STK10: variants seen among roughly 807,000 people sequenced by gnomAD.
The protein encoded by STK10 is serine/threonine kinase 10, also known as serine/threonine-protein kinase 10.
STK10 carries 78 observed loss-of-function variants against 113.8 expected under a neutral mutation model. The observed-to-expected ratio is 0.69, with a 90% CI of 0.57 to 0.83. The LOEUF is 0.83. Ranked by LOEUF, STK10 falls within the 40% of genes least tolerant of loss-of-function variation. The pLI, the probability that STK10 is intolerant of heterozygous loss-of-function variation, is 0.00. For missense variants in STK10, 1,109 were observed against 1,280.1 expected (o/e 0.87, Z 2.04); for synonymous variants, 465 against 494.7 (o/e 0.94, Z 0.80).
chr5:172,116,893 T>C (rs1769398819), intron 4 of STK10, among the ~76,000 whole-genome samples: 2 of 151,152 alleles, frequency 1.3e-5, no homozygotes. Context: ...AAAGAAGGTT[T>C]TGATATATGT....
intron 5 of STK10, chr5:172,107,158 GCA>G (rs72428642): frequency 0.017 from 4,202 of 247,100 alleles, 194 homozygotes; most frequent in African/African-American, 0.089. Context: ...GAAGACACCA[GCA>G]CAGAGAGGAG....
intron 18 of STK10, among the ~76,000 whole-genome samples, chr5:172,049,530 G>T (rs1767580687): frequency 1.3e-5 from 2 of 152,002 alleles, no homozygotes; most frequent in Admixed American, 6.6e-5. Context: ...ACAAGTCGGG[G>T]ATGAGACTCA....
chr5:172,116,541 AAC>A (rs933901236), intron 4 of STK10, among the ~76,000 whole-genome samples: 1 of 152,182 alleles, frequency 6.6e-6, no homozygotes, highest in Non-Finnish European at 1.5e-5. Context: ...AAAAAATAAA[AAC>A]ATTAAAAATA....
chr5:172,175,880 CTT>C (rs1561836049), intron 1 of STK10, among the ~76,000 whole-genome samples: 2 of 152,182 alleles, frequency 1.3e-5, no homozygotes, highest in African/African-American at 2.4e-5. Context: ...TGGGTCTCTG[CTT>C]CATCAGGTGT....
Position 172,187,585 on chromosome 5 carries a change from C to T in STK10, c.156+302G>A, listed in dbSNP as rs896282007. On this transcript the variant is annotated intron_variant, in intron 1 of 18. Coordinates refer to ENST00000176763, the MANE Select transcript of STK10 (RefSeq NM_005990.4). The surrounding 1 kb of genome is among the most constrained non-coding windows in gnomAD (Gnocchi z 4.6). ...CTCTCGGATGCTGAGGTCCTGTCAA[C>T]GCCCCTTTGTCTCCCCGTGCGGCGC... is the stretch of plus-strand genomic sequence containing the variant. Among the ~76,000 whole-genome samples the T allele has an allele frequency of 1.3e-5, 2 of 152,232 alleles. No individual in the cohort carries two copies. Among genetic ancestry groups the T allele is most frequent in the Non-Finnish European group, 2.9e-5 (2 of 68,044 alleles).
intron 2 of STK10, among the ~76,000 whole-genome samples, chr5:172,137,464 C>T (rs964939775): frequency 1.3e-5 from 2 of 151,936 alleles, no homozygotes; most frequent in Admixed American, 6.6e-5. Flanking sequence ...AAAAAAACTA[C>T]GTGATCATCT....
intron 8 of STK10, among the ~76,000 whole-genome samples, chr5:172,094,374 T>C (rs1768799908): frequency 6.6e-6 from 1 of 152,112 alleles, no homozygotes; most frequent in Non-Finnish European, 1.5e-5. Context: ...TATTTATCTA[T>C]TTTTTTGAGA....
chr5:172,156,539 A>G lies in STK10; in HGVS notation c.321+85T>C. On this transcript the variant is annotated intron_variant, in intron 2 of 18. Coordinates refer to ENST00000176763, the MANE Select transcript of STK10 (RefSeq NM_005990.4). ...CTCGTCCTCAAAGCAGATGCTGAGA[A>G]AGAGCTGAAGACTTCAGGACCAGGC... 2.0e-6 allele frequency: 3 copies of G among 1,482,770 alleles called. No homozygotes were observed. The South Asian group carries it at 4.1e-5, about 20-fold the overall frequency. The allele number at this position is 1,482,770 out of a possible 1,614,324, so 91.9% of individuals were successfully genotyped here.
intron 7 of STK10, among the ~76,000 whole-genome samples, chr5:172,103,478 C>T (rs1769038190): frequency 6.6e-6 from 1 of 152,124 alleles, no homozygotes; most frequent in Non-Finnish European, 1.5e-5. Flanking sequence ...CAGCTGGTCT[C>T]TCCGTGGAAT....
At chr5:172,146,762 G>A (rs912741805) in intron 2 of STK10, among the ~76,000 whole-genome samples, 1 of 152,226 alleles carries the variant, frequency 6.6e-6, no homozygotes, top group Non-Finnish European at 1.5e-5. Context: ...TTGCTGTTGA[G>A]GAATAACTTT....
At chr5:172,066,099 T>G (rs1029399935) in intron 12 of STK10, among the ~76,000 whole-genome samples, 1 of 152,142 alleles carries the variant, frequency 6.6e-6, no homozygotes, top group South Asian at 2.1e-4. Context: ...CTTAAGAGCA[T>G]CTGATGGGGG....
Position 172,187,322 on chromosome 5 carries a change from C to G in STK10, c.156+565G>C, listed in dbSNP as rs960826686. ...TCCTGACCTCCCCCTCTGACCAGCC[C>G]CAACCCACCTTTCCAAGCCCCACCT... On this transcript the variant is annotated intron_variant, in intron 1 of 18. Coordinates refer to ENST00000176763, the MANE Select transcript of STK10 (RefSeq NM_005990.4). This position sits in a 1 kb window ranked among gnomAD's most constrained non-coding sequence, Gnocchi z 4.6. Among the ~76,000 whole-genome samples, 1 of 152,098 alleles carries G rather than the reference C, an allele frequency of 6.6e-6. No individual in the cohort carries two copies. Among genetic ancestry groups the G allele is most frequent in the African/African-American group, 2.4e-5 (1 of 41,424 alleles).
rs137873007 is a variant in STK10 at position 172,145,625 on chromosome 5, A to T, written c.321+10999T>A. Among the ~76,000 whole-genome samples, 12 of 152,372 alleles carry T rather than the reference A, an allele frequency of 7.9e-5. No individual in the cohort carries two copies. In the East Asian group the frequency reaches 2.3e-3, roughly 29 times the overall value. On this transcript the variant is annotated intron_variant, in intron 2 of 18. Coordinates refer to ENST00000176763, the MANE Select transcript of STK10 (RefSeq NM_005990.4). ...CAAAGCTCCCACGTGAACCAAGGTG[A>T]GCACTGGGTTTCCACTCTGGAGCCA...
rs1207889083 is a variant in STK10 at position 172,117,771 on chromosome 5, T to C, written c.371-141A>G. The C allele has an allele frequency of 1.6e-5, 19 of 1,192,898 alleles. No homozygotes were observed. In the South Asian group the frequency reaches 2.9e-4, roughly 18 times the overall value. The allele number at this position is 1,192,898 out of a possible 1,614,324, so 73.9% of individuals were successfully genotyped here. ...GGCTCACGCCTGTAATCCCAGCACT[T>C]TGAGAGGCCGAGGCAGGTGGATTAC... On this transcript the variant is annotated intron_variant, in intron 3 of 18. Transcript: ENST00000176763.
chr5:172,180,020 G>T (rs1034329826), intron 1 of STK10, among the ~76,000 whole-genome samples: 7 of 152,200 alleles, frequency 4.6e-5, no homozygotes, highest in Admixed American at 2.0e-4. Flanking sequence ...AGCTGCCAAG[G>T]CCCCCTGTGC....
intron 13 of STK10, chr5:172,061,720 G>T (rs2113703143): frequency 6.5e-6 from 1 of 154,032 alleles, no homozygotes; most frequent in African/African-American, 2.4e-5. Flanking sequence ...AAAGTGCTGG[G>T]ATTACAGGAG....
intron 1 of STK10, among the ~76,000 whole-genome samples, chr5:172,175,628 T>C (rs1770745417): frequency 6.7e-6 from 1 of 148,580 alleles, no homozygotes; most frequent in Admixed American, 6.7e-5. Flanking sequence ...GAGGCCACCA[T>C]CCATCGCCAT....
intron 1 of STK10, among the ~76,000 whole-genome samples, chr5:172,161,252 G>A (rs1226097618): frequency 6.6e-6 from 1 of 152,124 alleles, no homozygotes; most frequent in Non-Finnish European, 1.5e-5. Flanking sequence ...AGGAGTTTGA[G>A]ACCAGCCTGG....
At chr5:172,166,550 T>C (rs1770574611) in intron 1 of STK10, among the ~76,000 whole-genome samples, 1 of 152,102 alleles carries the variant, frequency 6.6e-6, no homozygotes, top group African/African-American at 2.4e-5. Flanking sequence ...TGACTGATAA[T>C]CTAGGATTTG....
Sources: gnomAD v4.1 joint callset for allele counts (sites outside exome capture counted in the v4.1 genomes callset) on GRCh38, gnomAD v4.1.1 for gene constraint, Gnocchi (gnomAD v3.1) non-coding constraint, MANE v1.5 for transcripts, NCBI Gene and HGNC (gene_info 2026-07-23, HGNC 2026-07-21) for gene names.